The following NRG3 variants were observed in gnomAD, a reference collection of about 807,000 sequenced individuals.
NRG3 encodes the protein neuregulin 3.
In NRG3, 31 loss-of-function variants were observed where a neutral mutation model predicts 66.9. The observed-to-expected ratio is 0.46, with a 90% CI of 0.35 to 0.63. The LOEUF is 0.63. Among genes scored for constraint, NRG3 ranks in the 20% least tolerant of loss-of-function variants. The probability of loss-of-function intolerance (pLI) is 0.00; values close to 1 mark genes in which losing one functional copy is unlikely to be tolerated. For missense variants in NRG3, 910 were observed against 878.9 expected, an observed-to-expected ratio of 1.04 and a Z score of -0.45; for synonymous variants, 393 against 359.4, an observed-to-expected ratio of 1.09 and a Z score of -1.06.
intron 1 of NRG3, among the ~76,000 whole-genome samples, chr10:82,132,525 G>GATATATATATCATATATATATCATAT (rs1317557723): frequency 1.8e-5 from 1 of 54,768 alleles, no homozygotes; most frequent in African/African-American, 6.5e-5. Flanking sequence ...TGATATATAT[G>GATATATATATCATATATATATCATAT]ATATATATAT....
intron 2 of NRG3, among the ~76,000 whole-genome samples, chr10:82,661,928 G>T (rs1237793063): frequency 2.0e-5 from 3 of 152,252 alleles, no homozygotes; most frequent in Non-Finnish European, 2.9e-5. Flanking sequence ...ATCTACAGAC[G>T]CCTCATCAGT....
At chr10:82,010,975 A>T (rs1301633979) in intron 1 of NRG3, among the ~76,000 whole-genome samples, 1 of 152,176 alleles carries the variant, frequency 6.6e-6, no homozygotes, top group Non-Finnish European at 1.5e-5. Flanking sequence ...TAGTGAGCTC[A>T]TCCTGTTTGG....
At chr10:82,267,299 T>C (rs2078347936) in intron 1 of NRG3, among the ~76,000 whole-genome samples, 1 of 152,206 alleles carries the variant, frequency 6.6e-6, no homozygotes, top group African/African-American at 2.4e-5. Flanking sequence ...ATGTGTGCCT[T>C]ATTGAGTCTC....
chr10:82,773,316 A>C (rs758822176), intron 3 of NRG3, among the ~76,000 whole-genome samples: 1 of 152,056 alleles, frequency 6.6e-6, no homozygotes, highest in Non-Finnish European at 1.5e-5. Context: ...TAGTGATTTT[A>C]ATTTGCATTT....
intron 2 of NRG3, among the ~76,000 whole-genome samples, chr10:82,368,452 G>C (rs2084679781): frequency 7.2e-6 from 1 of 138,868 alleles, no homozygotes; most frequent in South Asian, 2.1e-4. Flanking sequence ...TTAAAAGACA[G>C]GCAGAAATAG....
At chr10:82,359,250 C>T (rs578024972) in intron 2 of NRG3, among the ~76,000 whole-genome samples, 3 of 152,320 alleles carry the variant, frequency 2.0e-5, no homozygotes, top group Admixed American at 2.0e-4. Context: ...GCAGGAGAAG[C>T]AAACTGCTCA....
At chr10:82,211,886 G>C (rs575272041) in intron 1 of NRG3, among the ~76,000 whole-genome samples, 148 of 152,270 alleles carry the variant, frequency 9.7e-4, no homozygotes, top group African/African-American at 3.2e-3. Context: ...TAGAAATGCA[G>C]TGTACTGTGT....
At chr10:82,558,537 AG>A (rs1212589562) in intron 2 of NRG3, among the ~76,000 whole-genome samples, 2 of 152,150 alleles carry the variant, frequency 1.3e-5, no homozygotes, top group Non-Finnish European at 2.9e-5. Flanking sequence ...GCTGGAACTG[AG>A]GGGGTTCCTC....
intron 4 of NRG3, among the ~76,000 whole-genome samples, chr10:82,900,197 A>C (rs1382989127): frequency 6.6e-6 from 1 of 152,186 alleles, no homozygotes; most frequent in Non-Finnish European, 1.5e-5. Context: ...TAAACAATTC[A>C]TGAGGGATCC....
chr10:82,776,029 T>A (rs1402347365), intron 3 of NRG3, among the ~76,000 whole-genome samples: 2 of 152,186 alleles, frequency 1.3e-5, no homozygotes, highest in East Asian at 1.9e-4. Flanking sequence ...TATCAGTGAG[T>A]TTTATACTTT....
intron 2 of NRG3, among the ~76,000 whole-genome samples, chr10:82,551,618 A>T (rs940545334): frequency 2.3e-5 from 3 of 131,322 alleles, no homozygotes; most frequent in Admixed American, 7.6e-5. Context: ...TTTTTTTTTT[A>T]AATCAGATAC....
chr10:82,098,390 G>A (rs1166525881), intron 1 of NRG3, among the ~76,000 whole-genome samples: 1 of 151,880 alleles, frequency 6.6e-6, no homozygotes, highest in East Asian at 1.9e-4. Flanking sequence ...AGGCTTTCTG[G>A]AGCAGAAAAG....
intron 3 of NRG3, among the ~76,000 whole-genome samples, chr10:82,841,377 G>A (rs759813378): frequency 9.9e-5 from 15 of 152,240 alleles, no homozygotes; most frequent in Non-Finnish European, 1.6e-4. Context: ...GCGTATCAGC[G>A]TTCTCTAGAG....
At chr10:81,928,222 A>C (rs1356434593) in intron 1 of NRG3, among the ~76,000 whole-genome samples, 3 of 152,226 alleles carry the variant, frequency 2.0e-5, no homozygotes, top group African/African-American at 7.2e-5. Context: ...AATGATGTAC[A>C]TTCTAGAGCA....
chr10:82,222,092 C>A (rs781601019), intron 1 of NRG3, among the ~76,000 whole-genome samples: 2 of 151,866 alleles, frequency 1.3e-5, no homozygotes, highest in Non-Finnish European at 2.9e-5. Context: ...GTGGAAGGGC[C>A]TTACATTTGT....
intron 1 of NRG3, among the ~76,000 whole-genome samples, chr10:82,331,759 T>G (rs1445225660): frequency 1.3e-5 from 2 of 152,200 alleles, no homozygotes; most frequent in Admixed American, 1.3e-4. Context: ...GGACCATGGT[T>G]TTACATCAAG....
intron 2 of NRG3, among the ~76,000 whole-genome samples, chr10:82,619,208 G>A (rs773765297): frequency 1.3e-5 from 2 of 152,092 alleles, no homozygotes; most frequent in Non-Finnish European, 2.9e-5. Flanking sequence ...AAAAGAAAAT[G>A]CAGTGTAAAA....
In NRG3 at chr10:81,923,099, ATG is replaced by A. The variant is rs548567168; in HGVS notation, c.823+46940_823+46941del. Among the ~76,000 whole-genome samples, 175 of 152,282 alleles carry A rather than the reference ATG, an allele frequency of 1.1e-3. 1 individual carries two copies. Among genetic ancestry groups the A allele is most frequent in the Middle Eastern group, 0.01 (3 of 294 alleles). The stretch of plus-strand genomic sequence containing the variant: ...TAATGAGAGTTTAATATTCTTAAAC[ATG>A]TGTTTTTATCAAGTCTCCTGTGTCT... On this transcript the variant is annotated intron_variant, in intron 1 of 8. Coordinates refer to ENST00000372141, the MANE Select transcript of NRG3 (RefSeq NM_001010848.4).
At chr10:81,986,277 C>A (rs1163387181) in intron 1 of NRG3, among the ~76,000 whole-genome samples, 1 of 151,700 alleles carries the variant, frequency 6.6e-6, no homozygotes, top group Non-Finnish European at 1.5e-5. Context: ...AAATTTAATA[C>A]TAGTACCCTT....
Sources: allele counts gnomAD v4.1 joint callset (sites outside exome capture counted in the v4.1 genomes callset), GRCh38; gene constraint gnomAD v4.1.1; transcripts MANE v1.5; gene names NCBI Gene and HGNC (gene_info 2026-07-23, HGNC 2026-07-21).